Variants in SH2B2 observed in about 807,000 individuals in gnomAD.
SH2B2 encodes SH2B adaptor protein 2, also known as SH2B adapter protein 2.
In SH2B2, 37 loss-of-function variants were observed where a neutral mutation model predicts 35.7. The observed-to-expected ratio is 1.04, with a 90% confidence interval of 0.80 to 1.36. The LOEUF is 1.36. Among genes scored for constraint, SH2B2 ranks in the 40% most tolerant of loss-of-function variants. SH2B2 has a pLI of 0.00. For missense variants in SH2B2, 852 were observed against 817.7 expected, an observed-to-expected ratio of 1.04 and a Z score of -0.51; for synonymous variants, 383 against 376.4, an observed-to-expected ratio of 1.02 and a Z score of -0.20.
chr7:102,321,645 CG>C lies in SH2B2; in HGVS notation c.*18del. On this transcript the variant is annotated 3_prime_UTR_variant, in exon 9 of 9. Coordinates refer to ENST00000444095, the MANE Select transcript of SH2B2 (RefSeq NM_001359228.2). The stretch of plus-strand genomic sequence containing the variant: ...CCTTCTACTAGCCCGCGGCGCCGCC[CG>C]GGTGGGACACGCCAAGCTCTTCAGT... 1.8e-6 allele frequency: 2 copies of C among 1,137,510 alleles called. No individual in the cohort carries two copies. Among genetic ancestry groups the C allele is most frequent in the South Asian group, 4.1e-5 (1 of 24,572 alleles). 70.5% of individuals were successfully genotyped at this position (1,137,510 alleles called of 1,614,324 possible). A position where few individuals can be genotyped will look rare whatever the true frequency, so the allele number is the denominator to read the frequency against.
At chr7:102,294,614 G>A (rs1043539838) in intron 1 of SH2B2, among the ~76,000 whole-genome samples, 6 of 152,134 alleles carry the variant, frequency 3.9e-5, no homozygotes, top group Non-Finnish European at 8.8e-5. Context: ...GCCCAGGTCA[G>A]CCAAGCTCCC....
rs542110274 is a variant in SH2B2, at chr7:102,295,113, C to T, written c.-29-5409C>T. Among the ~76,000 whole-genome samples the T allele has an allele frequency of 7.7e-4, 117 of 152,316 alleles. 4 individuals are homozygous for T. The South Asian group carries it at 0.024, about 31-fold the overall frequency. On this transcript the variant is annotated intron_variant, in intron 1 of 8. Transcript: ENST00000444095. ...TGTCCCCCATCTCTGTGCCTTCTCC[C>T]TACCAAGGGTTCCTCCAGCCAGGAG... is the stretch of plus-strand genomic sequence containing the variant.
chr7:102,300,520 A>G lies in SH2B2; in HGVS notation c.-29-2A>G. On this transcript the variant is annotated splice_acceptor_variant, in intron 1 of 8. Transcript: ENST00000444095. LOFTEE classifies it low-confidence loss of function (5UTR_SPLICE). ...GTCACTGCGCGCTCTTCTCGCCCGAAGCCGCAGGTGGCTGCGATGGGACGG... is the reference window on the plus strand; with the variant it reads ...GTCACTGCGCGCTCTTCTCGCCCGAGGCCGCAGGTGGCTGCGATGGGACGG... 2 of 1,530,308 alleles carry G rather than the reference A, an allele frequency of 1.3e-6. No individual in the cohort carries two copies. The highest frequency in any genetic ancestry group is 1.8e-6 in the Non-Finnish European group (2 of 1,141,606). The allele number at this position is 1,530,308 out of a possible 1,614,324, so 94.8% of individuals were successfully genotyped here.
chr7:102,315,135 G>A (rs1204604131), intron 6 of SH2B2, among the ~76,000 whole-genome samples: 3 of 151,728 alleles, frequency 2.0e-5, no homozygotes, highest in African/African-American at 7.2e-5. Context: ...GTTGCAGTGA[G>A]CCAAGATCAC....
In SH2B2 at chr7:102,301,202, T is replaced by C. The variant is rs1554553794; in HGVS notation, c.652T>C (p.Trp218Arg). 1.9e-6 allele frequency: 3 copies of C among 1,592,862 alleles called. No individual in the cohort carries two copies. The highest frequency in any genetic ancestry group is 2.6e-6 in the Non-Finnish European group (3 of 1,171,386). ...CGCGGGCTCCGGGGGCTCGGCTCAG[T>C]GGCAGAAGTGCCGCCTGCTCCTGCG... is the stretch of plus-strand genomic sequence containing the variant. The part of the protein sequence containing the change: ...AAAGSGGSAQ[W>R]QKCRLLLRRA... The change falls in exon 2 of 9, where the codon TGG becomes CGG. Residue 218 changes from tryptophan (W) to arginine (R), a missense_variant. Transcript: ENST00000444095.
chr7:102,298,324 C>T (rs536570640), intron 1 of SH2B2, among the ~76,000 whole-genome samples: 9 of 152,170 alleles, frequency 5.9e-5, no homozygotes, highest in Non-Finnish European at 1.2e-4. Context: ...TGCATTGTCA[C>T]GATCATAGCT....
chr7:102,286,839 G>A (rs1792470964), upstream of SH2B2: 1 of 40,840 alleles, frequency 2.4e-5, no homozygotes, highest in African/African-American at 1.0e-4. Flanking sequence ...GGCGGGGCCG[G>A]GAGGCGCGCG....
intron 2 of SH2B2, among the ~76,000 whole-genome samples, chr7:102,302,685 G>T (rs1379984756): frequency 2.0e-5 from 3 of 152,232 alleles, no homozygotes; most frequent in African/African-American, 4.8e-5. Flanking sequence ...CCAGATTACA[G>T]AAGAGAGCGC....
intron 3 of SH2B2, among the ~76,000 whole-genome samples, chr7:102,308,100 A>G (rs1793471997): frequency 6.6e-6 from 1 of 152,070 alleles, no homozygotes; most frequent in South Asian, 2.1e-4. Context: ...GAGGCACACC[A>G]CCGGAAGCCA....
intron 4 of SH2B2, 87 bp downstream of exon 4, chr7:102,308,993 C>T (rs1793510500): frequency 7.7e-6 from 8 of 1,044,662 alleles, no homozygotes; most frequent in South Asian, 2.5e-5. Flanking sequence ...CCTAGCAGGG[C>T]GGGAGCTCAG....
intron 1 of SH2B2, among the ~76,000 whole-genome samples, chr7:102,288,344 C>G (rs1554551184): frequency 6.6e-6 from 1 of 151,966 alleles, no homozygotes; most frequent in African/African-American, 2.4e-5. Context: ...TTCTTTTAGG[C>G]TAGTGTGGAT....
chr7:102,289,164 C>T (rs1362480194), intron 1 of SH2B2, among the ~76,000 whole-genome samples: 1 of 152,222 alleles, frequency 6.6e-6, no homozygotes, highest in Admixed American at 6.5e-5. Context: ...GCTGTGTGGG[C>T]GTGCAGCATC....
At chr7:102,319,996 C>A (rs1172966908) in intron 7 of SH2B2, among the ~76,000 whole-genome samples, 1 of 152,200 alleles carries the variant, frequency 6.6e-6, no homozygotes, top group African/African-American at 2.4e-5. Flanking sequence ...GTCACTCCCC[C>A]TCCCTGGGCC....
At chr7:102,314,903 CA>C (rs1793761587) in intron 6 of SH2B2, among the ~76,000 whole-genome samples, 1 of 152,216 alleles carries the variant, frequency 6.6e-6, no homozygotes, top group Non-Finnish European at 1.5e-5. Context: ...AAAATGTTCA[CA>C]GGGGCCGGGT....
intron 6 of SH2B2, among the ~76,000 whole-genome samples, chr7:102,316,648 G>C (rs781954679): frequency 2.6e-5 from 4 of 151,902 alleles, no homozygotes; most frequent in Non-Finnish European, 5.9e-5. Flanking sequence ...CACTTTGGGA[G>C]GCCAAGGCAG....
upstream of SH2B2, chr7:102,285,157 G>A: frequency 1.3e-6 from 2 of 1,549,180 alleles, no homozygotes; most frequent in South Asian, 1.2e-5. Flanking sequence ...TCCTCCCTGG[G>A]GATGGATCCA....
Position 102,317,379 on chromosome 7 carries a change from T to TC in SH2B2, c.1381dup (p.Gln461ProfsTer29). 1 of 1,581,688 alleles carries TC rather than the reference T, an allele frequency of 6.3e-7. No homozygotes were observed. Among genetic ancestry groups the TC allele is most frequent in the East Asian group, 2.3e-5 (1 of 44,124 alleles). On this transcript the variant is annotated frameshift_variant, in exon 7 of 9. Transcript: ENST00000444095. LOFTEE classifies it high-confidence loss of function. ...GGGGAGTACGTGCTGACCTTCAACTTCCAGGGCAAGGCCAAGGCAAGTGTG... is the reference window on the plus strand; with the variant it reads ...GGGGAGTACGTGCTGACCTTCAACTTCCCAGGGCAAGGCCAAGGCAAGTGTG...
chr7:102,313,176 G>A (rs932764912), intron 4 of SH2B2, among the ~76,000 whole-genome samples: 3 of 149,644 alleles, frequency 2.0e-5, no homozygotes, highest in Non-Finnish European at 4.4e-5. Flanking sequence ...GCCAGGTGCA[G>A]TGGCTCACGC....
At chr7:102,313,851 A>G (rs1184912225) in intron 4 of SH2B2, among the ~76,000 whole-genome samples, 2 of 151,480 alleles carry the variant, frequency 1.3e-5, no homozygotes, top group African/African-American at 2.4e-5. Context: ...GGCAGAGGCA[A>G]AGTGAGCCGA....
Sources: allele counts gnomAD v4.1 joint callset (sites outside exome capture counted in the v4.1 genomes callset), GRCh38; gene constraint gnomAD v4.1.1; transcripts MANE v1.5; gene names NCBI Gene and HGNC (gene_info 2026-07-23, HGNC 2026-07-21).